TAF5L: variants seen among roughly 807,000 people sequenced by gnomAD.
The protein encoded by TAF5L is TATA-box binding protein associated factor 5 like.
TAF5L carries 7 observed loss-of-function variants against 51.3 expected under a neutral mutation model. The observed-to-expected ratio is 0.14, with a 90% CI of 0.08 to 0.26. The LOEUF is 0.26. Among genes scored for constraint, TAF5L ranks in the 10% least tolerant of loss-of-function variants. TAF5L has a pLI of 1.00. For synonymous variants in TAF5L, 291 were observed against 308.1 expected, an observed-to-expected ratio of 0.94 and a Z score of 0.58; for missense variants, 575 against 758.9, an observed-to-expected ratio of 0.76 and a Z score of 2.85.
intron 1 of TAF5L, among the ~76,000 whole-genome samples, chr1:229,615,278 G>A (rs958111159): frequency 9.2e-5 from 14 of 152,070 alleles, no homozygotes; most frequent in African/African-American, 2.7e-4. Flanking sequence ...TAGTAGAGAC[G>A]GGGTTTCACC....
In TAF5L at chr1:229,594,408, G is replaced by C; in HGVS notation, c.1659C>G (p.Ser553Arg). ...GCCCGGTGTACACGCCCACGAGCTC[G>C]CTGGAGGAGCCGTCGGCAGGTGCAC... The change falls in exon 5 of 5, where the codon AGC becomes AGG. Residue 553 changes from serine (S) to arginine (R), a missense_variant. Physicochemically the swap from Ser to Arg is moderately radical, Grantham distance 110. Transcript: ENST00000258281. This position sits in a 1 kb window ranked among gnomAD's most constrained non-coding sequence, Gnocchi z 7.9. 6.2e-7 allele frequency: 1 copy of C among 1,614,186 alleles called. No homozygotes were observed. Among genetic ancestry groups the C allele is most frequent in the Non-Finnish European group, 8.5e-7 (1 of 1,180,032 alleles).
chr1:229,595,921 TC>T (rs1181077382), intron 4 of TAF5L, among the ~76,000 whole-genome samples: 1 of 152,128 alleles, frequency 6.6e-6, no homozygotes, highest in East Asian at 1.9e-4. Context: ...CGCCTTGGCC[TC>T]CCAAAGTGCT....
intron 3 of TAF5L, among the ~76,000 whole-genome samples, chr1:229,609,247 A>T (rs1027661785): frequency 6.6e-6 from 1 of 152,208 alleles, no homozygotes; most frequent in African/African-American, 2.4e-5. Context: ...GGCTCTTGTC[A>T]TGGTCATGAC....
intron 1 of TAF5L, among the ~76,000 whole-genome samples, chr1:229,624,615 A>G (rs1665359105): frequency 6.7e-6 from 1 of 148,806 alleles, no homozygotes; most frequent in Admixed American, 6.7e-5. Flanking sequence ...ATAAAAAAAA[A>G]TCCACGTTTA....
At chr1:229,609,501 T>C (rs80072679) in intron 3 of TAF5L, among the ~76,000 whole-genome samples, 2 of 152,124 alleles carry the variant, frequency 1.3e-5, no homozygotes, top group South Asian at 4.1e-4. Context: ...GGGCTCTTAA[T>C]GTTTTTCTTC....
exon 2 of TAF5L, chr1:229,614,423 C>A: frequency 2.5e-6 from 4 of 1,614,224 alleles, no homozygotes; most frequent in Non-Finnish European, 3.4e-6. Flanking sequence ...CCACGTACTG[C>A]CGGCGTTTGA....
At chr1:229,600,076 C>T (rs1664313795) in intron 4 of TAF5L, 1 of 977,820 alleles carries the variant, frequency 1.0e-6, no homozygotes, top group Non-Finnish European at 1.2e-6. Flanking sequence ...TATTTCATTT[C>T]AAAATAATAG....
In TAF5L at chr1:229,594,526, G is replaced by A. The variant is rs1664044939; in HGVS notation, c.1541C>T (p.Thr514Ile). Residue 514 changes from threonine (T) to isoleucine (I), a missense_variant, in exon 5 of 5, where the codon ACC (threonine) becomes ATC (isoleucine). By Grantham distance (89) the Thr-to-Ile change is moderately conservative. Coordinates refer to ENST00000258281, the Ensembl canonical transcript of TAF5L. The surrounding 1 kb of genome is among the most constrained non-coding windows in gnomAD (Gnocchi z 7.9). ...GCTGTCTGGACTGAAGGTGAGGCTG[G>A]TGATATTGTCTGTGTGGCCTCTCAA... 1 of 1,614,130 alleles carries A rather than the reference G, an allele frequency of 6.2e-7. No individual in the cohort carries two copies. The highest frequency in any genetic ancestry group is 2.2e-5 in the East Asian group (1 of 44,876).
chr1:229,613,344 A>AG (rs996702753), intron 2 of TAF5L, among the ~76,000 whole-genome samples: 1 of 151,492 alleles, frequency 6.6e-6, no homozygotes, highest in African/African-American at 2.4e-5. Flanking sequence ...AAAAAAAAAA[A>AG]AAAAGAAGAA....
At position 229,594,828 on chromosome 1, in the gene TAF5L, A is replaced by T. The variant is rs1157634212; in HGVS notation, c.1239T>A (p.Phe413Leu). 1 of 1,614,226 alleles carries T rather than the reference A, an allele frequency of 6.2e-7. No individual in the cohort carries two copies. Among genetic ancestry groups the T allele is most frequent in the Non-Finnish European group, 8.5e-7 (1 of 1,180,042 alleles). ...ATATCCTCAGCGGGTACGTCCGATC[A>T]AATGACCACAGCCTGGCGGTGCGGT... Residue 413 changes from phenylalanine to leucine, a missense_variant, in exon 5 of 5, where the codon TTT becomes TTA. By Grantham distance (22) the Phe-to-Leu change is conservative. Transcript: ENST00000258281. This position sits in a 1 kb window ranked among gnomAD's most constrained non-coding sequence, Gnocchi z 7.9.
At chr1:229,612,087 G>A (rs1256625717) in intron 2 of TAF5L, among the ~76,000 whole-genome samples, 2 of 152,146 alleles carry the variant, frequency 1.3e-5, no homozygotes, top group African/African-American at 2.4e-5. Flanking sequence ...GGGTCAAATC[G>A]TAGCTATCTC....
rs1488838334 is a variant in TAF5L at position 229,595,051 on chromosome 1, C to T, written c.1016G>A (p.Arg339Gln). The change falls in exon 5 of 5, where the codon CGG becomes CAG. Residue 339 changes from arginine (R) to glutamine (Q), a missense_variant. Coordinates refer to ENST00000258281, the Ensembl canonical transcript of TAF5L. The stretch of plus-strand genomic sequence containing the variant: ...GCTGTACACTGGTCCGCAGTGGCCC[C>T]GCAGTATCTTCATCTCCGTGCCTGC... 1.5e-5 allele frequency: 24 copies of T among 1,611,942 alleles called. 1 individual carries two copies. Among genetic ancestry groups the T allele is most frequent in the Middle Eastern group, 3.3e-4 (2 of 6,076 alleles).
intron 4 of TAF5L, chr1:229,599,059 C>T (rs1175515385): frequency 6.4e-6 from 1 of 155,308 alleles, no homozygotes; most frequent in Non-Finnish European, 1.4e-5. Context: ...TTTCACTCTT[C>T]ATCTCAGTGT....
Position 229,594,414 on chromosome 1 carries a change from G to A in TAF5L, c.1653C>T (p.Ser551=), listed in dbSNP as rs758554301. ...TGTACACGCCCACGAGCTCGCTGGA[G>A]GAGCCGTCGGCAGGTGCACTGCAGT... is the stretch of plus-strand genomic sequence containing the variant. The change falls in exon 5 of 5, where the codon TCC becomes TCT. Residue 551 remains serine (S), a synonymous_variant. Coordinates refer to ENST00000258281, the Ensembl canonical transcript of TAF5L. This position sits in a 1 kb window ranked among gnomAD's most constrained non-coding sequence, Gnocchi z 7.9. 1.2e-6 allele frequency: 2 copies of A among 1,614,202 alleles called. No homozygotes were observed. The highest frequency in any genetic ancestry group is 1.1e-5 in the South Asian group (1 of 91,086).
chr1:229,596,110 A>G (rs1664115472), intron 4 of TAF5L, among the ~76,000 whole-genome samples: 1 of 152,112 alleles, frequency 6.6e-6, no homozygotes, highest in Admixed American at 6.5e-5. Context: ...TTCTTTACCA[A>G]AAAAATTTAA....
At chr1:229,622,090 T>A (rs1454258570) in intron 1 of TAF5L, among the ~76,000 whole-genome samples, 1 of 152,168 alleles carries the variant, frequency 6.6e-6, no homozygotes, top group Non-Finnish European at 1.5e-5. Context: ...TATATAGATA[T>A]ACAGATATGT....
At position 229,602,513 on chromosome 1, in the gene TAF5L, A is replaced by T; in HGVS notation, c.654T>A (p.Ser218Arg). The stretch of plus-strand genomic sequence containing the variant: ...CGGGGGGCTCCAAACCGTTGTTCTC[A>T]CTGCGGGAGGAGCTGCCACTGGCAT... The change falls in exon 4 of 5, where the codon AGT becomes AGA. Residue 218 changes from serine to arginine, a missense_variant. Ser to Arg is a moderately radical substitution (Grantham distance 110, BLOSUM62 -1). This residue lies in a region of TAF5L where 380 missense variants were observed against 443.7 expected (regional missense o/e 0.86). Coordinates refer to ENST00000258281, the Ensembl canonical transcript of TAF5L. The surrounding 1 kb of genome is among the most constrained non-coding windows in gnomAD (Gnocchi z 4.6). The T allele has an allele frequency of 6.2e-7, 1 of 1,614,118 alleles. No individual in the cohort carries two copies. The highest frequency in any genetic ancestry group is 8.5e-7 in the Non-Finnish European group (1 of 1,180,004).
intron 4 of TAF5L, chr1:229,600,909 G>A: frequency 1.0e-6 from 1 of 985,266 alleles, no homozygotes; most frequent in Non-Finnish European, 1.2e-6. Context: ...AATAAGGTCA[G>A]TGTAATTTTT....
In TAF5L at chr1:229,625,187, C is replaced by A. The variant is rs1219428268; in HGVS notation, c.-4+698G>T. On this transcript the variant is annotated intron_variant, in intron 1 of 4. Transcript: ENST00000258281. The surrounding 1 kb of genome is among the most constrained non-coding windows in gnomAD (Gnocchi z 4.0). ...CTAAAATGACACCACTGTTTCTAAC[C>A]ATCCACTCACTTCGGACCAACGCCT... Among the ~76,000 whole-genome samples, 2 of 152,232 alleles carry A rather than the reference C, an allele frequency of 1.3e-5. No individual in the cohort carries two copies. Among genetic ancestry groups the A allele is most frequent in the Non-Finnish European group, 2.9e-5 (2 of 68,040 alleles).
Sources: allele counts gnomAD v4.1 joint callset (sites outside exome capture counted in the v4.1 genomes callset), GRCh38; gene constraint gnomAD v4.1.1; regional missense constraint gnomAD v4.1.1; non-coding constraint Gnocchi (gnomAD v3.1); transcripts MANE v1.5; gene names NCBI Gene and HGNC (gene_info 2026-07-23, HGNC 2026-07-21).